The following ELAPOR1 variants were observed in gnomAD, a reference collection of about 807,000 sequenced individuals.
The protein encoded by ELAPOR1 is endosome/lysosome-associated apoptosis and autophagy regulator 1.
ELAPOR1 carries 77 observed loss-of-function variants against 119.7 expected under a neutral mutation model. The observed-to-expected ratio is 0.64, with a 90% CI of 0.54 to 0.78. The LOEUF is 0.78. Among genes scored for constraint, ELAPOR1 ranks in the 30% least tolerant of loss-of-function variants. The probability of loss-of-function intolerance (pLI) is 0.00; values close to 1 mark genes in which losing one functional copy is unlikely to be tolerated. For missense variants in ELAPOR1, 1,115 were observed against 1,270.4 expected, an observed-to-expected ratio of 0.88 and a Z score of 1.86; for synonymous variants, 481 against 487.2, an observed-to-expected ratio of 0.99 and a Z score of 0.17.
At chr1:109,127,593 C>G (rs148424356) in intron 1 of ELAPOR1, among the ~76,000 whole-genome samples, 3,855 of 151,428 alleles carry the variant, frequency 0.025, 185 homozygotes, top group African/African-American at 0.088. Context: ...TTTGAGACAG[C>G]GTCCTACTCT....
At chr1:109,128,862 C>T (rs1223393954) in intron 1 of ELAPOR1, among the ~76,000 whole-genome samples, 1 of 152,078 alleles carries the variant, frequency 6.6e-6, no homozygotes, top group Non-Finnish European at 1.5e-5. Context: ...TTTCTGTTGC[C>T]CAAGACCAAG....
chr1:109,175,235 C>T (rs1299360286), intron 7 of ELAPOR1, among the ~76,000 whole-genome samples: 1 of 151,408 alleles, frequency 6.6e-6, no homozygotes, highest in Non-Finnish European at 1.5e-5. Context: ...ACTCTTGTTG[C>T]CCAAGCTGGA....
chr1:109,186,563 C>T, intron 8 of ELAPOR1: 3 of 985,520 alleles, frequency 3.0e-6, no homozygotes, highest in Non-Finnish European at 3.6e-6. Flanking sequence ...GGCATCATCC[C>T]CTTCTCCAGC....
chr1:109,164,602 G>A lies in ELAPOR1; in HGVS notation c.378G>A (p.Glu126=). The change falls in exon 3 of 22, where the codon GAG becomes GAA. Residue 126 remains glutamate, a synonymous_variant. Coordinates refer to ENST00000369939, the MANE Select transcript of ELAPOR1 (RefSeq NM_020775.5). ...TCGGCACAGGCATTCGGTTTGATGA[G>A]TGGGATGAGCTGCCCCATGGCTTTG... The part of the protein sequence containing the change: ...YSLGTGIRFD[E]WDELPHGFAS... 6.2e-7 allele frequency: 1 copy of A among 1,614,282 alleles called. No individual in the cohort carries two copies. Among genetic ancestry groups the A allele is most frequent in the Non-Finnish European group, 8.5e-7 (1 of 1,180,044 alleles).
intron 1 of ELAPOR1, among the ~76,000 whole-genome samples, chr1:109,138,389 C>T (rs1649608537): frequency 1.3e-5 from 2 of 152,136 alleles, no homozygotes; most frequent in Admixed American, 1.3e-4. Context: ...ACACCAGTCA[C>T]TGGCACAGTT....
chr1:109,162,130 T>G, intron 2 of ELAPOR1, 116 bp downstream of exon 2: 1 of 1,203,850 alleles, frequency 8.3e-7, no homozygotes. Context: ...AGGAATCAGA[T>G]CTTTTCCCCA....
intron 1 of ELAPOR1, among the ~76,000 whole-genome samples, chr1:109,123,706 T>C (rs1436799886): frequency 1.3e-5 from 2 of 152,258 alleles, no homozygotes; most frequent in African/African-American, 2.4e-5. Flanking sequence ...CAGAATTTCA[T>C]AATTGGTTAA....
chr1:109,156,676 G>C (rs1478284628), intron 1 of ELAPOR1, among the ~76,000 whole-genome samples: 1 of 150,082 alleles, frequency 6.7e-6, no homozygotes, highest in Non-Finnish European at 1.5e-5. Context: ...GCCCTAGGTA[G>C]AACTGGGAAG....
At chr1:109,182,809 G>A (rs1345601980) in intron 7 of ELAPOR1, among the ~76,000 whole-genome samples, 2 of 148,712 alleles carry the variant, frequency 1.3e-5, no homozygotes, top group African/African-American at 5.0e-5. Context: ...GGAGCTTGCA[G>A]TGAGCCGAGA....
intron 1 of ELAPOR1, among the ~76,000 whole-genome samples, chr1:109,126,193 G>C (rs2100970653): frequency 6.6e-6 from 1 of 152,332 alleles, no homozygotes; most frequent in East Asian, 1.9e-4. Flanking sequence ...CCTTTCTGAG[G>C]AGTGAGTTTA....
intron 1 of ELAPOR1, among the ~76,000 whole-genome samples, chr1:109,119,448 T>A (rs1648249979): frequency 6.6e-6 from 1 of 151,808 alleles, no homozygotes; most frequent in Non-Finnish European, 1.5e-5. Context: ...CCTCCCAAAT[T>A]GCTGGAATTA....
intron 14 of ELAPOR1, among the ~76,000 whole-genome samples, chr1:109,193,875 G>C (rs1483875355): frequency 6.6e-6 from 1 of 152,176 alleles, no homozygotes; most frequent in African/African-American, 2.4e-5. Flanking sequence ...TGACAGTTGT[G>C]TGCGGCTACC....
chr1:109,150,125 C>T (rs981055522), intron 1 of ELAPOR1, among the ~76,000 whole-genome samples: 7 of 152,226 alleles, frequency 4.6e-5, no homozygotes, highest in African/African-American at 9.6e-5. Flanking sequence ...GACTGGACAA[C>T]GTGGTCAAGG....
At chr1:109,175,591 C>T (rs1030354933) in intron 7 of ELAPOR1, among the ~76,000 whole-genome samples, 4 of 150,126 alleles carry the variant, frequency 2.7e-5, no homozygotes, top group African/African-American at 7.3e-5. Flanking sequence ...CTTTGGGAGG[C>T]CGAGGCAGGC....
At chr1:109,202,643 G>C (rs2101152557) in intron 21 of ELAPOR1, among the ~76,000 whole-genome samples, 1 of 152,086 alleles carries the variant, frequency 6.6e-6, no homozygotes, top group East Asian at 1.9e-4. Flanking sequence ...GTCTCACCAT[G>C]TTGGTCAGGC....
intron 1 of ELAPOR1, among the ~76,000 whole-genome samples, chr1:109,124,970 C>A (rs565215192): frequency 1.0e-3 from 156 of 152,206 alleles, no homozygotes; most frequent in African/African-American, 3.6e-3. Context: ...GCTCTGTCAC[C>A]CAGGCTGGAC....
intron 2 of ELAPOR1, among the ~76,000 whole-genome samples, 160 bp from the exon 3 acceptor site, chr1:109,164,339 A>G (rs1228650451): frequency 6.6e-6 from 1 of 152,180 alleles, no homozygotes; most frequent in Non-Finnish European, 1.5e-5. Flanking sequence ...TTTAAGAAAA[A>G]TAAAATCAAA....
Position 109,190,247 on chromosome 1 carries a change from A to G in ELAPOR1, c.1439+565A>G, listed in dbSNP as rs189607292. ...GCTTACTGGCCGTGCGACCTTAGGAAAAGTCACTTCACCTGTTCAGGCTTC... is the reference window on the plus strand; with the variant it reads ...GCTTACTGGCCGTGCGACCTTAGGAGAAGTCACTTCACCTGTTCAGGCTTC... On this transcript the variant is annotated intron_variant, in intron 11 of 21. Coordinates refer to ENST00000369939, the MANE Select transcript of ELAPOR1 (RefSeq NM_020775.5). Among the ~76,000 whole-genome samples the G allele has an allele frequency of 1.1e-4, 16 of 152,334 alleles. No homozygotes were observed. In the East Asian group the frequency reaches 2.3e-3, roughly 22 times the overall value.
chr1:109,120,933 G>A (rs936908573), intron 1 of ELAPOR1, among the ~76,000 whole-genome samples: 1 of 152,122 alleles, frequency 6.6e-6, no homozygotes, highest in African/African-American at 2.4e-5. Context: ...GTCAAGGTAG[G>A]TAACATCTTA....
Sources: gnomAD v4.1 joint callset for allele counts (sites outside exome capture counted in the v4.1 genomes callset) on GRCh38, gnomAD v4.1.1 for gene constraint, MANE v1.5 for transcripts, NCBI Gene and HGNC (gene_info 2026-07-23, HGNC 2026-07-21) for gene names.